Variants in PANK4 observed in about 807,000 individuals in gnomAD.
PANK4 encodes the protein pantothenate kinase 4 (inactive).
A neutral mutation model predicts 87.9 loss-of-function variants in PANK4; 40 were observed. That is an observed-to-expected ratio of 0.46 (90% CI 0.35 to 0.59). The LOEUF (loss-of-function observed/expected upper bound fraction) is 0.59, where lower values mean the gene tolerates loss of function less well. Ranked by LOEUF, PANK4 falls within the 20% of genes least tolerant of loss-of-function variation. The pLI is 0.00. For synonymous variants in PANK4, 524 were observed against 467.4 expected, an observed-to-expected ratio of 1.12 and a Z score of -1.56; for missense variants, 926 against 1,072.3, an observed-to-expected ratio of 0.86 and a Z score of 1.90.
Position 2,510,113 on chromosome 1 carries a change from G to T in PANK4, c.1983C>A (p.Thr661=), listed in dbSNP as rs527571212. 4.3e-6 allele frequency: 7 copies of T among 1,610,892 alleles called. No individual in the cohort carries two copies. In the African/African-American group the frequency reaches 9.3e-5, roughly 21 times the overall value. Reference sequence around the variant, plus strand: ...CTGCCACGATGAGGGACTCGCTGTGGGTCACGTCGTTCAGGGCGGGGCCTG... The same window carrying T: ...CTGCCACGATGAGGGACTCGCTGTGTGTCACGTCGTTCAGGGCGGGGCCTG... ...CNSGPALNDV[T]HSESLIVAER... Residue 661 remains threonine, a synonymous_variant, in exon 17 of 19, where the codon ACC becomes ACA. Transcript: ENST00000378466. This position sits in a 1 kb window ranked among gnomAD's most constrained non-coding sequence, Gnocchi z 4.9.
At chr1:2,525,421 G>A (rs926469221) in intron 1 of PANK4, among the ~76,000 whole-genome samples, 1 of 152,062 alleles carries the variant, frequency 6.6e-6, no homozygotes, top group African/African-American at 2.4e-5. Flanking sequence ...CGAGATGAGT[G>A]CTAAGAGGGA....
In PANK4 at chr1:2,519,419, G is replaced by A. The variant is rs1643846117; in HGVS notation, c.854-95C>T. The A allele has an allele frequency of 3.4e-6, 1 of 294,234 alleles. No individual in the cohort carries two copies. The highest frequency in any genetic ancestry group is 5.5e-5 in the Admixed American group (1 of 18,344). 18.2% of individuals were successfully genotyped at this position (294,234 alleles called of 1,614,324 possible). On this transcript the variant is annotated intron_variant, in intron 6 of 18. Coordinates refer to ENST00000378466, the MANE Select transcript of PANK4 (RefSeq NM_018216.4). The surrounding 1 kb of genome is among the most constrained non-coding windows in gnomAD (Gnocchi z 8.3). ...GGGAGGGGGAGAGAGAGCTGAGTGG[G>A]AGGGGAGGGGGAGAGAGAGCTGAGT...
Position 2,515,794 on chromosome 1 carries a change from T to G in PANK4, c.1219-77A>C. 7.3e-7 allele frequency: 1 copy of G among 1,370,018 alleles called. No individual in the cohort carries two copies. Among genetic ancestry groups the G allele is most frequent in the Non-Finnish European group, 1.0e-6 (1 of 984,288 alleles). The allele number at this position is 1,370,018 out of a possible 1,614,324, so 84.9% of individuals were successfully genotyped here. On this transcript the variant is annotated intron_variant, in intron 9 of 18. Transcript: ENST00000378466. The surrounding 1 kb of genome is among the most constrained non-coding windows in gnomAD (Gnocchi z 5.0). ...CCAAGCCACACTCAGAAGCTTCCAC[T>G]CTCTCTCTAAGAAGGGAGATGTACT...
chr1:2,517,500 C>A (rs187913537), intron 9 of PANK4, among the ~76,000 whole-genome samples: 2 of 152,230 alleles, frequency 1.3e-5, no homozygotes, highest in African/African-American at 2.4e-5. Flanking sequence ...CGGGGGGGCA[C>A]GGTCGAGGAC....
chr1:2,515,491 G>A lies in PANK4; in HGVS notation c.1374+71C>T. 1 of 1,527,610 alleles carries A rather than the reference G, an allele frequency of 6.5e-7. No homozygotes were observed. Among genetic ancestry groups the A allele is most frequent in the Non-Finnish European group, 9.1e-7 (1 of 1,104,394 alleles). The allele number at this position is 1,527,610 out of a possible 1,614,324, so 94.6% of individuals were successfully genotyped here. On this transcript the variant is annotated intron_variant, in intron 10 of 18. Coordinates refer to ENST00000378466, the MANE Select transcript of PANK4 (RefSeq NM_018216.4). The surrounding 1 kb of genome is among the most constrained non-coding windows in gnomAD (Gnocchi z 5.0). ...TGTCCCCCTTCGCCACCTTGGCTTT[G>A]CCCCCGGAGCCTTGGAAGGTTAACC...
Position 2,520,701 on chromosome 1 carries a change from C to T in PANK4, c.606+22G>A. 1 of 1,603,992 alleles carries T rather than the reference C, an allele frequency of 6.2e-7. No homozygotes were observed. Among genetic ancestry groups the T allele is most frequent in the Non-Finnish European group, 8.5e-7 (1 of 1,173,040 alleles). On this transcript the variant is annotated intron_variant, in intron 4 of 18. Transcript: ENST00000378466. The surrounding 1 kb of genome is among the most constrained non-coding windows in gnomAD (Gnocchi z 6.2). ...ACTATGGCTAAACCATCCACTCATT[C>T]ATTCATGAAGCCGGGTCTTACCTTC...
chr1:2,514,298 T>C (rs1643718033), intron 11 of PANK4, 56 bp downstream of exon 11: 1 of 1,364,542 alleles, frequency 7.3e-7, no homozygotes, highest in African/African-American at 1.4e-5. Context: ...TTCTCAGAGG[T>C]GCAGGGGCCC....
At chr1:2,524,939 A>C (rs1465897231) in intron 1 of PANK4, among the ~76,000 whole-genome samples, 2 of 152,136 alleles carry the variant, frequency 1.3e-5, no homozygotes, top group Non-Finnish European at 2.9e-5. Context: ...CAGCACCTGC[A>C]GCCCAATAAC....
At chr1:2,516,285 C>T (rs1393749693) in intron 9 of PANK4, among the ~76,000 whole-genome samples, 1 of 152,146 alleles carries the variant, frequency 6.6e-6, no homozygotes, top group East Asian at 1.9e-4. Context: ...GGCTGCCGGG[C>T]CTCCCAGCAC....
chr1:2,512,281 G>T (rs1051213133), intron 13 of PANK4: 1 of 154,766 alleles, frequency 6.5e-6, no homozygotes, highest in African/African-American at 2.4e-5. Context: ...CTCGAGACAC[G>T]AGTGGGACCC....
At chr1:2,514,247 C>T (rs1643717214) in intron 11 of PANK4, 107 bp downstream of exon 11, 3 of 1,127,464 alleles carry the variant, frequency 2.7e-6, no homozygotes, top group African/African-American at 1.5e-5. Flanking sequence ...CCCACACCCA[C>T]CCCCAGCGAG....
Position 2,510,395 on chromosome 1 carries a change from C to CTCCGATCGG in PANK4, c.1939-239_1939-238insCCGATCGGA, listed in dbSNP as rs1006325293. On this transcript the variant is annotated intron_variant, in intron 16 of 18. Coordinates refer to ENST00000378466, the MANE Select transcript of PANK4 (RefSeq NM_018216.4). The surrounding 1 kb of genome is among the most constrained non-coding windows in gnomAD (Gnocchi z 4.9). ...GAGCCTGCCCCTGGGACCTGCCTGT[C>CTCCGATCGG]TGTGAAGTCACAGCCCCAAAGCCTC... is the stretch of plus-strand genomic sequence containing the variant. 8.1e-6 allele frequency: 4 copies of CTCCGATCGG among 492,824 alleles called. No homozygotes were observed. The highest frequency in any genetic ancestry group is 4.0e-5 in the African/African-American group (1 of 25,080). The allele number at this position is 492,824 out of a possible 1,614,324, so 30.5% of individuals were successfully genotyped here.
In PANK4 at chr1:2,509,300, T is replaced by G. The variant is rs548523978; in HGVS notation, c.2109-240A>C. On this transcript the variant is annotated intron_variant, in intron 18 of 18. Coordinates refer to ENST00000378466, the MANE Select transcript of PANK4 (RefSeq NM_018216.4). This position sits in a 1 kb window ranked among gnomAD's most constrained non-coding sequence, Gnocchi z 4.9. ...TCTGCCCTAGATCTCCTGTGAACTC[T>G]AGGGATGGATTCCTTGTCATTTTCA... 2.6e-5 allele frequency among the ~76,000 whole-genome samples: 4 copies of G among 152,314 alleles called. No individual in the cohort carries two copies. Among genetic ancestry groups the G allele is most frequent in the Non-Finnish European group, 5.9e-5 (4 of 68,016 alleles).
chr1:2,522,510 C>T (rs1643883213), intron 1 of PANK4, among the ~76,000 whole-genome samples: 1 of 152,036 alleles, frequency 6.6e-6, no homozygotes, highest in Non-Finnish European at 1.5e-5. Flanking sequence ...GCTCTATGTA[C>T]CTGAACCAGA....
At position 2,511,680 on chromosome 1, in the gene PANK4, G is replaced by A. The variant is rs371817518; in HGVS notation, c.1731C>T (p.Val577=). The A allele has an allele frequency of 3.1e-6, 5 of 1,599,746 alleles. No homozygotes were observed. The highest frequency in any genetic ancestry group is 1.1e-5 in the South Asian group (1 of 90,802). Residue 577 remains valine (V), a synonymous_variant, in exon 14 of 19, where the codon GTC becomes GTT. Coordinates refer to ENST00000378466, the MANE Select transcript of PANK4 (RefSeq NM_018216.4). ...ACCCAAAGTAGGGGTCGGATTCAAG[G>A]ACACTGCATGGAGGAGGAGAAAAGA... is the stretch of plus-strand genomic sequence containing the variant. The part of the protein sequence containing the change: ...FDWGAKAVSA[V]LESDPYFGFE...
At chr1:2,513,342 C>T (rs762822862) in intron 12 of PANK4, among the ~76,000 whole-genome samples, 46 of 152,218 alleles carry the variant, frequency 3.0e-4, no homozygotes, top group African/African-American at 5.5e-4. Context: ...TCAAAACCCT[C>T]GACACCCAGA....
chr1:2,511,474 G>C, intron 14 of PANK4, 87 bp from the exon 15 acceptor site: 1 of 1,197,606 alleles, frequency 8.3e-7, no homozygotes, highest in Non-Finnish European at 1.2e-6. Context: ...GTCTCTCCAG[G>C]AAGCAAGTTC....
chr1:2,524,494 G>A (rs1331923400), intron 1 of PANK4, among the ~76,000 whole-genome samples: 4 of 152,198 alleles, frequency 2.6e-5, no homozygotes. Context: ...CAGACGCAGG[G>A]AGAAACTTTG....
intron 14 of PANK4, 48 bp from the exon 15 acceptor site, chr1:2,511,435 G>A: frequency 7.0e-7 from 1 of 1,430,660 alleles, no homozygotes; most frequent in Non-Finnish European, 9.9e-7. Context: ...TCCAGGTCAG[G>A]GGTCAGGGAG....
Sources: gnomAD v4.1 joint callset for allele counts (sites outside exome capture counted in the v4.1 genomes callset) on GRCh38, gnomAD v4.1.1 for gene constraint, Gnocchi (gnomAD v3.1) non-coding constraint, MANE v1.5 for transcripts, NCBI Gene and HGNC (gene_info 2026-07-23, HGNC 2026-07-21) for gene names.